Variants in SETD5 observed in about 807,000 individuals in gnomAD.
SETD5 encodes the protein SET domain containing 5.
In SETD5, 44 loss-of-function variants were observed where a neutral mutation model predicts 153.3. The ratio of observed to expected loss-of-function variants is 0.29; its 90% CI spans 0.23 to 0.37. SETD5 has a LOEUF of 0.37. Among genes scored for constraint, SETD5 ranks in the 10% least tolerant of loss-of-function variants. The pLI is 1.00. For synonymous variants in SETD5, 716 were observed against 645.2 expected (o/e 1.11, Z -1.66); for missense variants, 1,544 against 1,768.0 (o/e 0.87, Z 2.27).
chr3:9,407,430 G>C (rs1390908574), intron 1 of SETD5, among the ~76,000 whole-genome samples: 1 of 152,176 alleles, frequency 6.6e-6, no homozygotes, highest in Non-Finnish European at 1.5e-5. Context: ...AGAGAAGGAA[G>C]GCTCTAGGTA....
intron 1 of SETD5, among the ~76,000 whole-genome samples, chr3:9,412,078 A>G (rs906950310): frequency 1.3e-5 from 2 of 152,044 alleles, no homozygotes; most frequent in Non-Finnish European, 2.9e-5. Context: ...CCAGAGTCAC[A>G]GGTGGTTTTT....
Position 9,476,697 on chromosome 3 carries a change from G to A in SETD5, c.*606G>A, listed in dbSNP as rs1218765729. On this transcript the variant is annotated 3_prime_UTR_variant, in exon 23 of 23. Coordinates refer to ENST00000402198, the MANE Select transcript of SETD5 (RefSeq NM_001080517.3). Reference sequence around the variant, plus strand: ...GAAATAGGCAAGGATAGTAAAGCTTGGAACCTGCACCAACTGGAGGGTGCC... The same window carrying A: ...GAAATAGGCAAGGATAGTAAAGCTTAGAACCTGCACCAACTGGAGGGTGCC... 1 of 152,680 alleles carries A rather than the reference G, an allele frequency of 6.5e-6. No homozygotes were observed. The highest frequency in any genetic ancestry group is 1.5e-5 in the Non-Finnish European group (1 of 68,142). 9.5% of individuals were successfully genotyped at this position (152,680 alleles called of 1,614,324 possible).
chr3:9,410,426 C>T (rs1242294301), intron 1 of SETD5, among the ~76,000 whole-genome samples: 2 of 152,152 alleles, frequency 1.3e-5, no homozygotes, highest in African/African-American at 4.8e-5. Flanking sequence ...TAGAATAGTT[C>T]TCTATGGTTG....
intron 3 of SETD5, chr3:9,431,117 A>T: frequency 1.0e-6 from 1 of 985,454 alleles, no homozygotes; most frequent in Non-Finnish European, 1.2e-6. Flanking sequence ...ACTTCACTTC[A>T]TAGAATTTTA....
At chr3:9,436,680 C>CT (rs1368967917) in intron 7 of SETD5, among the ~76,000 whole-genome samples, 4 of 152,170 alleles carry the variant, frequency 2.6e-5, no homozygotes, top group Non-Finnish European at 5.9e-5. Flanking sequence ...TGGCCTTGAG[C>CT]TACCCCTATT....
At chr3:9,474,618 G>A in intron 21 of SETD5, 36 bp downstream of exon 21, 1 of 1,610,378 alleles carries the variant, frequency 6.2e-7, no homozygotes, top group Non-Finnish European at 8.5e-7. Flanking sequence ...CCACATTCAG[G>A]GACACATGAG....
chr3:9,436,814 TTTTG>T, intron 7 of SETD5: 1 of 1,545,878 alleles, frequency 6.5e-7, no homozygotes, highest in South Asian at 1.2e-5. Flanking sequence ...TGGTACCAAG[TTTTG>T]TTTGTTCTAC....
intron 7 of SETD5, chr3:9,436,907 T>C (rs1575398936): frequency 1.3e-6 from 2 of 1,548,780 alleles, no homozygotes; most frequent in South Asian, 1.2e-5. Context: ...TAATCTTCGC[T>C]GATGCTGTGT....
rs2040259407 is a variant in SETD5, at chr3:9,433,887, C to T, written c.114C>T (p.Ser38=). The T allele has an allele frequency of 6.2e-7, 1 of 1,613,850 alleles. No individual in the cohort carries two copies. Among genetic ancestry groups the T allele is most frequent in the Non-Finnish European group, 8.5e-7 (1 of 1,179,840 alleles). ...CTAGTCCAGCAGTTAATGAGAAGAG[C>T]GTGTATTCCACTCATAATTATGGGA... ...VEASPAVNEK[S]VYSTHNYGTT... is the part of the protein sequence containing the mutation. Residue 38 remains serine (S), a synonymous_variant, in exon 4 of 23, where the codon AGC becomes AGT. Transcript: ENST00000402198.
intron 2 of SETD5, chr3:9,425,939 C>T (rs180863042): frequency 1.1e-3 from 167 of 152,226 alleles, no homozygotes; most frequent in African/African-American, 4.0e-3. Context: ...ATCAGACTTT[C>T]ATATGATTAT....
chr3:9,431,529 T>C, intron 3 of SETD5: 13 of 982,314 alleles, frequency 1.3e-5, no homozygotes, highest in Non-Finnish European at 1.5e-5. Flanking sequence ...AGTGTCTAAC[T>C]GTGTATTCAA....
At chr3:9,427,681 ACT>A (rs1300627693) in intron 2 of SETD5, among the ~76,000 whole-genome samples, 1 of 151,772 alleles carries the variant, frequency 6.6e-6, no homozygotes, top group Non-Finnish European at 1.5e-5. Flanking sequence ...ATCAGTCATG[ACT>A]CTCTTTGTAG....
rs183455257 is a variant in SETD5, at chr3:9,451,156, A to G, written c.2346+2526A>G. The stretch of plus-strand genomic sequence containing the variant: ...CTTCTTAGAAAAACCAGTCTGACTG[A>G]TAATGAAACAGTGTGCTTTGCATTG... On this transcript the variant is annotated intron_variant, in intron 16 of 22. Transcript: ENST00000402198. 2.6e-5 allele frequency among the ~76,000 whole-genome samples: 4 copies of G among 152,322 alleles called. No homozygotes were observed. The East Asian group carries it at 5.8e-4, about 22-fold the overall frequency.
Position 9,473,367 on chromosome 3 carries a change from C to A in SETD5, c.3327C>A (p.Asp1109Glu), listed in dbSNP as rs760465647. The change falls in exon 20 of 23, where the codon GAC (aspartate) becomes GAA (glutamate). Residue 1109 changes from aspartate (D) to glutamate (E), a missense_variant. Asp to Glu is a conservative substitution (Grantham distance 45). Around this residue, in one of 9 missense-constraint regions of SETD5, gnomAD observed 93 missense variants for 93.4 expected, o/e 1.00. Transcript: ENST00000402198. ...AAGGCAGCAGTAACTCCGTTTCCGA[C>A]ACTGGTGCCCATGGTGTGCAGGGAT... is the stretch of plus-strand genomic sequence containing the variant. ...AGQGSSNSVS[D>E]TGAHGVQGSS... 8.2e-5 allele frequency: 132 copies of A among 1,613,972 alleles called. No individual in the cohort carries two copies. Among genetic ancestry groups the A allele is most frequent in the Admixed American group, 5.5e-4 (33 of 60,024 alleles).
At chr3:9,436,046 A>C (rs2040525350) in intron 7 of SETD5, 140 bp downstream of exon 7, 1 of 743,156 alleles carries the variant, frequency 1.3e-6, no homozygotes, top group African/African-American at 1.8e-5. Context: ...AAAATCAGCT[A>C]ATCTGTGTTA....
intron 22 of SETD5, 152 bp downstream of exon 22, chr3:9,475,308 T>G (rs940176421): frequency 2.4e-5 from 27 of 1,148,296 alleles, no homozygotes; most frequent in Admixed American, 8.2e-5. Context: ...AGGTAATAAA[T>G]TATGCCAGAA....
At chr3:9,452,175 T>A (rs1176123249) in intron 16 of SETD5, among the ~76,000 whole-genome samples, 1 of 152,316 alleles carries the variant, frequency 6.6e-6, no homozygotes, top group South Asian at 2.1e-4. Flanking sequence ...AGTCATCAGA[T>A]CCAGAATGTA....
Position 9,434,942 on chromosome 3 carries a change from T to C in SETD5, c.388+60T>C. 7.6e-6 allele frequency: 12 copies of C among 1,573,990 alleles called. No individual in the cohort carries two copies. Among genetic ancestry groups the C allele is most frequent in the Non-Finnish European group, 1.0e-5 (12 of 1,157,722 alleles). On this transcript the variant is annotated intron_variant, in intron 6 of 22. Coordinates refer to ENST00000402198, the MANE Select transcript of SETD5 (RefSeq NM_001080517.3). The surrounding 1 kb of genome is among the most constrained non-coding windows in gnomAD (Gnocchi z 5.6). ...ATAAAAATATTCTGTGATCTGAATG[T>C]TCATTTTAAGAACCCCTCTTGGCCA...
At chr3:9,449,139 G>A (rs1256426876) in intron 16 of SETD5, among the ~76,000 whole-genome samples, 1 of 152,188 alleles carries the variant, frequency 6.6e-6, no homozygotes, top group Non-Finnish European at 1.5e-5. Context: ...CATAATTCCT[G>A]TTCCTTGATC....
Sources: gnomAD v4.1 joint callset for allele counts (sites outside exome capture counted in the v4.1 genomes callset) on GRCh38, gnomAD v4.1.1 for gene constraint, gnomAD v4.1.1 regional missense constraint, Gnocchi (gnomAD v3.1) non-coding constraint, MANE v1.5 for transcripts, NCBI Gene and HGNC (gene_info 2026-07-23, HGNC 2026-07-21) for gene names.